ANO3: variants seen among roughly 807,000 people sequenced by gnomAD.
The protein encoded by ANO3 is anoctamin-3.
In ANO3, 99 loss-of-function variants were observed where a neutral mutation model predicts 144.8. That is an observed-to-expected ratio of 0.68 (90% confidence interval 0.58 to 0.81). The LOEUF is 0.81. Ranked by LOEUF, ANO3 falls within the 30% of genes least tolerant of loss-of-function variation. The pLI, the probability that ANO3 is intolerant of heterozygous loss-of-function variation, is 0.00. For synonymous variants in ANO3, 414 were observed against 392.6 expected (o/e 1.05, Z -0.64); for missense variants, 905 against 1,202.2 (o/e 0.75, Z 3.66).
intron 4 of ANO3, among the ~76,000 whole-genome samples, chr11:26,467,028 T>TA (rs1031692477): frequency 1.8e-4 from 28 of 152,084 alleles, no homozygotes; most frequent in African/African-American, 6.7e-4. Flanking sequence ...TTGTTTTTTT[T>TA]AAAAACTCTA....
At chr11:26,616,868 G>A (rs983170004) in intron 17 of ANO3, among the ~76,000 whole-genome samples, 2 of 152,138 alleles carry the variant, frequency 1.3e-5, no homozygotes, top group East Asian at 3.9e-4. Flanking sequence ...TGCCTCCTGG[G>A]TTCAAGTGAT....
At chr11:26,457,017 T>C (rs1325799001) in intron 3 of ANO3, among the ~76,000 whole-genome samples, 1 of 146,360 alleles carries the variant, frequency 6.8e-6, no homozygotes, top group African/African-American at 2.5e-5. Flanking sequence ...TAGGTGGGAA[T>C]TGAACTATGA....
chr11:26,438,592 CAAAAAA>C (rs1227963923), intron 1 of ANO3, among the ~76,000 whole-genome samples: 7 of 70,302 alleles, frequency 1.0e-4, no homozygotes, highest in African/African-American at 2.4e-4. Context: ...ACTAAAAATA[CAAAAAA>C]AAAAAAAAAA....
chr11:26,299,236 A>C (rs1451003526), intron 1 of ANO3, among the ~76,000 whole-genome samples: 1 of 152,200 alleles, frequency 6.6e-6, no homozygotes, highest in African/African-American at 2.4e-5. Flanking sequence ...TGGTATTCTG[A>C]AAGCTAAGTG....
Position 26,590,012 on chromosome 11 carries a change from C to T in ANO3, c.1448-8353C>T, listed in dbSNP as rs186293820. ...CTGATAAGAGGATCTATAGAGAGCT[C>T]GTGACATTTCTGACCTTCTCCAAGG... On this transcript the variant is annotated intron_variant, in intron 14 of 26. Transcript: ENST00000256737. Among the ~76,000 whole-genome samples, 7 of 152,248 alleles carry T rather than the reference C, an allele frequency of 4.6e-5. No homozygotes were observed. In the East Asian group the frequency reaches 1.2e-3, roughly 25 times the overall value.
intron 14 of ANO3, chr11:26,565,810 G>A: frequency 6.2e-7 from 1 of 1,612,160 alleles, no homozygotes; most frequent in East Asian, 2.2e-5. Flanking sequence ...CCCGATAGAA[G>A]TGAATAAAAC....
intron 1 of ANO3, among the ~76,000 whole-genome samples, chr11:26,324,281 CATATGCCCAGAA>C (rs527802691): frequency 7.5e-4 from 114 of 152,214 alleles, no homozygotes; most frequent in Non-Finnish European, 1.2e-3. Flanking sequence ...TGGAGCTGGG[CATATGCCCAGAA>C]AAGACCCTAT....
intron 6 of ANO3, among the ~76,000 whole-genome samples, chr11:26,521,335 T>C (rs1862067160): frequency 6.6e-6 from 1 of 152,256 alleles, no homozygotes; most frequent in East Asian, 1.9e-4. Context: ...AGCAGTTCCA[T>C]ATTTATTCAA....
upstream of ANO3, among the ~76,000 whole-genome samples, chr11:26,306,415 A>G (rs575522084): frequency 9.9e-5 from 15 of 152,242 alleles, no homozygotes; most frequent in Admixed American, 2.6e-4. Context: ...TCCCAAACTC[A>G]AGGACAGGTA....
chr11:26,271,382 G>A (rs557102920), intron 1 of ANO3, among the ~76,000 whole-genome samples: 1 of 152,320 alleles, frequency 6.6e-6, no homozygotes, highest in African/African-American at 2.4e-5. Context: ...ATGGGGCACA[G>A]AATGTGTGTA....
intron 4 of ANO3, among the ~76,000 whole-genome samples, chr11:26,504,985 C>CT (rs1479648121): frequency 1.5e-5 from 2 of 129,160 alleles, no homozygotes; most frequent in Non-Finnish European, 3.1e-5. Context: ...GCACTCCAGC[C>CT]TAGGCGACAG....
chr11:26,476,545 A>G (rs1241341780), intron 4 of ANO3, among the ~76,000 whole-genome samples: 1 of 151,942 alleles, frequency 6.6e-6, no homozygotes, highest in African/African-American at 2.4e-5. Flanking sequence ...AGCAGACACA[A>G]TGCTGCAGGG....
At chr11:26,564,732 CATATATATATATATATATATATATAT>C (rs66510170) in intron 14 of ANO3, among the ~76,000 whole-genome samples, 142 of 25,406 alleles carry the variant, frequency 5.6e-3, no homozygotes, top group South Asian at 0.015. Context: ...CACACACACA[CATATATATATATATATATATATATAT>C]ATATATATAT....
intron 1 of ANO3, among the ~76,000 whole-genome samples, chr11:26,268,342 G>A (rs1853360026): frequency 6.6e-6 from 1 of 152,140 alleles, no homozygotes; most frequent in Non-Finnish European, 1.5e-5. Context: ...AAATGGAGAA[G>A]ACAATATCTC....
At chr11:26,264,602 A>G (rs1231826941) in intron 1 of ANO3, among the ~76,000 whole-genome samples, 1 of 152,194 alleles carries the variant, frequency 6.6e-6, no homozygotes, top group Admixed American at 6.5e-5. Flanking sequence ...ATAATGAAGT[A>G]CAACAGTCTG....
intron 3 of ANO3, among the ~76,000 whole-genome samples, chr11:26,461,699 C>T (rs1004619557): frequency 6.6e-6 from 1 of 151,962 alleles, no homozygotes; most frequent in Non-Finnish European, 1.5e-5. Context: ...CACAAGCATG[C>T]GCTTTGGAAT....
At chr11:26,215,485 C>T (rs911080388) in intron 1 of ANO3, among the ~76,000 whole-genome samples, 1 of 151,832 alleles carries the variant, frequency 6.6e-6, no homozygotes, top group Non-Finnish European at 1.5e-5. Flanking sequence ...ACATTCCTTA[C>T]TTTTGGTTAA....
At chr11:26,267,915 T>C (rs1564941196) in intron 1 of ANO3, among the ~76,000 whole-genome samples, 1 of 152,156 alleles carries the variant, frequency 6.6e-6, no homozygotes, top group African/African-American at 2.4e-5. Flanking sequence ...TTGAATCATA[T>C]GCTAAAATAA....
rs377447870 is a variant in ANO3, at chr11:26,297,184, C to CGTGTGT, written c.155-12439_155-12434dup. ...ACATCCCAAGCTGCATCAACCATTG[C>CGTGTGT]GTGTGTGTGTGTGTGTGTGTGTGTG... is the stretch of plus-strand genomic sequence containing the variant. On this transcript the variant is annotated intron_variant, in intron 1 of 27. Transcript: ENST00000672621. Among the ~76,000 whole-genome samples the CGTGTGT allele has an allele frequency of 2.0e-4, 30 of 146,432 alleles. 1 individual carries two copies. Among genetic ancestry groups the CGTGTGT allele is most frequent in the East Asian group, 7.9e-4 (4 of 5,060 alleles).
Sources: allele counts gnomAD v4.1 joint callset (sites outside exome capture counted in the v4.1 genomes callset), GRCh38; gene constraint gnomAD v4.1.1; transcripts MANE v1.5; gene names NCBI Gene and HGNC (gene_info 2026-07-23, HGNC 2026-07-21).